The following GRIP1 variants were observed in gnomAD, a reference collection of about 807,000 sequenced individuals.
GRIP1 encodes glutamate receptor-interacting protein 1.
Under a neutral mutation model 129.9 loss-of-function variants are expected in GRIP1, and 45 were observed. The observed-to-expected ratio is 0.35, with a 90% CI of 0.27 to 0.44. The LOEUF (loss-of-function observed/expected upper bound fraction) is 0.44, where lower values mean the gene tolerates loss of function less well. Among genes scored for constraint, GRIP1 ranks in the 20% least tolerant of loss-of-function variants. The pLI is 1.00. For missense variants in GRIP1, 1,196 were observed against 1,396.8 expected, an observed-to-expected ratio of 0.86 and a Z score of 2.29; for synonymous variants, 530 against 520.8, an observed-to-expected ratio of 1.02 and a Z score of -0.24.
intron 2 of GRIP1, among the ~76,000 whole-genome samples, chr12:66,562,173 GTTGT>G (rs1334240440): frequency 2.6e-5 from 4 of 152,104 alleles, no homozygotes; most frequent in African/African-American, 7.2e-5. Context: ...TATCACTAAG[GTTGT>G]TTAAGTATTA....
intron 1 of GRIP1, among the ~76,000 whole-genome samples, chr12:67,002,046 A>G (rs1481751955): frequency 6.6e-6 from 1 of 152,146 alleles, no homozygotes; most frequent in Non-Finnish European, 1.5e-5. Context: ...AAAAATCCCA[A>G]AGAAAATATG....
intron 17 of GRIP1, among the ~76,000 whole-genome samples, chr12:66,393,943 C>T (rs943490402): frequency 2.0e-5 from 3 of 152,112 alleles, no homozygotes; most frequent in African/African-American, 7.2e-5. Context: ...AATACAAATC[C>T]GCCTTCAGTC....
At chr12:66,954,275 A>G (rs1319485119) in intron 1 of GRIP1, among the ~76,000 whole-genome samples, 1 of 152,222 alleles carries the variant, frequency 6.6e-6, no homozygotes, top group Non-Finnish European at 1.5e-5. Context: ...TGCTCTCACC[A>G]ATAAAAAATT....
At chr12:66,982,239 T>C (rs1287951570) in intron 1 of GRIP1, among the ~76,000 whole-genome samples, 1 of 152,196 alleles carries the variant, frequency 6.6e-6, no homozygotes, top group Non-Finnish European at 1.5e-5. Context: ...GCTAACAGCA[T>C]ACCCAATATC....
chr12:66,404,814 T>A (rs971694287), intron 16 of GRIP1, among the ~76,000 whole-genome samples: 3 of 152,174 alleles, frequency 2.0e-5, no homozygotes, highest in African/African-American at 7.2e-5. Flanking sequence ...GGCAGATCAC[T>A]TGAGGTCAGG....
chr12:66,868,688 T>C (rs1490210578), intron 1 of GRIP1, among the ~76,000 whole-genome samples: 1 of 152,080 alleles, frequency 6.6e-6, no homozygotes, highest in African/African-American at 2.4e-5. Context: ...AAATTTGTAT[T>C]TGAGTCCTTA....
intron 2 of GRIP1, among the ~76,000 whole-genome samples, chr12:66,557,450 C>A (rs1482529624): frequency 3.9e-5 from 6 of 152,182 alleles, no homozygotes. Context: ...TGGACTTAAT[C>A]TGGACTACAG....
intron 15 of GRIP1, among the ~76,000 whole-genome samples, chr12:66,418,470 G>A (rs1237820371): frequency 6.6e-6 from 1 of 151,826 alleles, no homozygotes; most frequent in Non-Finnish European, 1.5e-5. Context: ...CTTTTTCATA[G>A]CAAAGAAAAA....
intron 14 of GRIP1, among the ~76,000 whole-genome samples, chr12:66,426,089 C>T (rs576946003): frequency 6.6e-6 from 1 of 152,264 alleles, no homozygotes; most frequent in South Asian, 2.1e-4. Context: ...GCACCACAAC[C>T]CTGTAAGATT....
rs116036999 is a variant in GRIP1, at chr12:66,796,271, A to G, written c.-420+7782T>C. Among the ~76,000 whole-genome samples, 1,394 of 152,188 alleles carry G rather than the reference A, an allele frequency of 9.2e-3. 23 individuals are homozygous for G. Among genetic ancestry groups the G allele is most frequent in the African/African-American group, 0.031 (1,304 of 41,532 alleles). On this transcript the variant is annotated intron_variant, in intron 1 of 4. Coordinates refer to the GRIP1 transcript ENST00000538373. The stretch of plus-strand genomic sequence containing the variant: ...ACTTTATGATTAGGCCTGGTTTTAA[A>G]TCTACATTTTTCCTATTCTGAGTGC...
rs1566054584 is a variant in GRIP1 at position 66,859,277 on chromosome 12, AAAAAAAC to A, written c.58+209766_58+209772del. On this transcript the variant is annotated intron_variant, in intron 1 of 1. Transcript: ENST00000643019. Reference sequence around the variant, plus strand: ...ATTTTCTGAAAAAAAACAAAAAAACAAAAAAACAAAAAAACAAAAAAACAAAAAAAAA... The same window carrying A: ...ATTTTCTGAAAAAAAACAAAAAAACAAAAAAAACAAAAAAACAAAAAAAAA... Among the ~76,000 whole-genome samples, 21 of 6,784 alleles carry A rather than the reference AAAAAAAC, an allele frequency of 3.1e-3. No homozygotes were observed. In the Non-Finnish European group the frequency reaches 0.052, roughly 17 times the overall value. The allele number at this position is 6,784 out of a possible 152,430, so 4.5% of individuals were successfully genotyped here. A position where few individuals can be genotyped will look rare whatever the true frequency, so the allele number is the denominator to read the frequency against.
At chr12:66,952,285 T>C (rs868234939) in intron 1 of GRIP1, among the ~76,000 whole-genome samples, 1 of 152,122 alleles carries the variant, frequency 6.6e-6, no homozygotes, top group Admixed American at 6.5e-5. Context: ...GGCCATCAGA[T>C]AGAATGCTGG....
At chr12:66,515,511 T>C in intron 7 of GRIP1, 108 bp downstream of exon 7, 1 of 988,344 alleles carries the variant, frequency 1.0e-6, no homozygotes, top group Non-Finnish European at 1.6e-6. Flanking sequence ...ATGAATTCTG[T>C]CTGCTCCAGG....
intron 7 of GRIP1, among the ~76,000 whole-genome samples, chr12:66,497,860 A>G (rs1232398784): frequency 6.6e-6 from 1 of 152,178 alleles, no homozygotes; most frequent in Non-Finnish European, 1.5e-5. Context: ...TAACTGAAGA[A>G]TCACAAAAGA....
chr12:66,409,481 C>T (rs1056957894), intron 15 of GRIP1, among the ~76,000 whole-genome samples: 2 of 152,230 alleles, frequency 1.3e-5, no homozygotes, highest in East Asian at 3.8e-4. Context: ...GGGGTGCCCC[C>T]TAATGGAGAT....
In GRIP1 at chr12:66,347,574, T is replaced by C. The variant is rs1341891455; in HGVS notation, c.*1445A>G. On this transcript the variant is annotated 3_prime_UTR_variant, in exon 25 of 25. Coordinates refer to ENST00000359742, the MANE Select transcript of GRIP1 (RefSeq NM_001366722.1). ...GACGATAAATACCATGCTATTAAAG[T>C]ATTAAATTTGTACAAAAATACTTTA... is the stretch of plus-strand genomic sequence containing the variant. 6.6e-6 allele frequency: 1 copy of C among 152,194 alleles called. No homozygotes were observed. Among genetic ancestry groups the C allele is most frequent in the Non-Finnish European group, 1.5e-5 (1 of 68,022 alleles). The allele number at this position is 152,194 out of a possible 1,614,324, so 9.4% of individuals were successfully genotyped here.
Position 66,349,357 on chromosome 12 carries a change from T to C in GRIP1, c.3160-111A>G, listed in dbSNP as rs7309726. ...GTTTGAAGTCATGAAGGTGCTAAAA[T>C]GAGCGCCATGAGGTCTATCCTTGTG... On this transcript the variant is annotated intron_variant, in intron 24 of 24. Coordinates refer to ENST00000359742, the MANE Select transcript of GRIP1 (RefSeq NM_001366722.1). The C allele has an allele frequency of 7.5e-3, 5,980 of 797,530 alleles. 239 individuals carry two copies. In the African/African-American group the frequency reaches 0.085, roughly 11 times the overall value. 49.4% of individuals were successfully genotyped at this position (797,530 alleles called of 1,614,324 possible).
chr12:66,864,513 C>T (rs939490511), intron 1 of GRIP1, among the ~76,000 whole-genome samples: 14 of 151,704 alleles, frequency 9.2e-5, no homozygotes, highest in Non-Finnish European at 1.3e-4. Context: ...CCTGTAAGTT[C>T]GAGACCAGCC....
intron 1 of GRIP1, among the ~76,000 whole-genome samples, chr12:66,656,694 A>G (rs1012939418): frequency 3.3e-5 from 5 of 152,212 alleles, no homozygotes; most frequent in African/African-American, 1.2e-4. Context: ...CTGTATCCTT[A>G]GGTGTTTAAT....
Sources: gnomAD v4.1 joint callset for allele counts (sites outside exome capture counted in the v4.1 genomes callset) on GRCh38, gnomAD v4.1.1 for gene constraint, MANE v1.5 for transcripts, NCBI Gene and HGNC (gene_info 2026-07-23, HGNC 2026-07-21) for gene names.